Variants in BCKDHB observed in about 807,000 individuals in gnomAD.
BCKDHB encodes branched chain keto acid dehydrogenase E1 subunit beta.
Under a neutral mutation model 48.5 loss-of-function variants are expected in BCKDHB, and 41 were observed. That is an observed-to-expected ratio of 0.85 (90% CI 0.66 to 1.10). The LOEUF (loss-of-function observed/expected upper bound fraction) is 1.10. BCKDHB is among the 50% of genes least tolerant of loss of function. BCKDHB has a pLI of 0.00. For synonymous variants in BCKDHB, 201 were observed against 174.8 expected (o/e 1.15, Z -1.18); for missense variants, 496 against 494.2 (o/e 1.00, Z -0.03).
chr6:80,183,073 A>G (rs1048800746), intron 6 of BCKDHB, among the ~76,000 whole-genome samples: 15 of 152,130 alleles, frequency 9.9e-5, no homozygotes, highest in African/African-American at 2.9e-4. Flanking sequence ...GCTTGTATAT[A>G]TATGTGTATG....
At chr6:80,307,682 T>C (rs1767947207) in intron 9 of BCKDHB, 10 of 973,228 alleles carry the variant, frequency 1.0e-5, no homozygotes, top group Non-Finnish European at 1.2e-5. Flanking sequence ...ACATTAGGCC[T>C]ATTTTAACAC....
chr6:80,451,000 A>G, the BCKDHB span, among the ~76,000 whole-genome samples: 12 of 152,200 alleles, frequency 7.9e-5, no homozygotes, highest in Non-Finnish European at 1.8e-4. Context: ...GAAGTCAACT[A>G]AAGACGTCAT....
chr6:80,140,751 TG>T (rs1771159410), intron 3 of BCKDHB, among the ~76,000 whole-genome samples: 1 of 152,218 alleles, frequency 6.6e-6, no homozygotes, highest in Non-Finnish European at 1.5e-5. Context: ...TCAAGGATAT[TG>T]GTCTAAAATT....
intron 8 of BCKDHB, among the ~76,000 whole-genome samples, chr6:80,230,536 T>C (rs1362035647): frequency 6.6e-6 from 1 of 152,116 alleles, no homozygotes; most frequent in Non-Finnish European, 1.5e-5. Flanking sequence ...AAGAGCCAGA[T>C]AGTAAATATT....
the BCKDHB span, among the ~76,000 whole-genome samples, chr6:80,450,728 C>T: frequency 7.2e-5 from 11 of 152,172 alleles, no homozygotes; most frequent in South Asian, 2.1e-4. Context: ...CTTTTAGGAA[C>T]GGTGTTTAAT....
chr6:80,281,160 T>C (rs1054784923), intron 9 of BCKDHB, among the ~76,000 whole-genome samples: 6 of 152,088 alleles, frequency 3.9e-5, no homozygotes, highest in Non-Finnish European at 5.9e-5. Context: ...TTCATTCTCT[T>C]ATACTGATAT....
chr6:80,119,220 G>A (rs1057047410), intron 1 of BCKDHB, among the ~76,000 whole-genome samples: 5 of 151,912 alleles, frequency 3.3e-5, no homozygotes, highest in Non-Finnish European at 7.4e-5. Flanking sequence ...GGAGGTGGAG[G>A]TTGCAAAAAA....
chr6:80,354,938 A>T, the BCKDHB span, among the ~76,000 whole-genome samples: 1 of 152,168 alleles, frequency 6.6e-6, no homozygotes, highest in African/African-American at 2.4e-5. Flanking sequence ...AAGCAATGTG[A>T]TGCCTCCAGC....
At chr6:80,354,829 G>A in the BCKDHB span, among the ~76,000 whole-genome samples, 1 of 152,076 alleles carries the variant, frequency 6.6e-6, no homozygotes, top group Non-Finnish European at 1.5e-5. Flanking sequence ...GTGATCTTAT[G>A]TCTGTGTTAT....
chr6:80,328,491 A>T lies in BCKDHB; in HGVS notation c.1039-15173A>T, dbSNP rs1018025858. 1.1e-4 allele frequency among the ~76,000 whole-genome samples: 17 copies of T among 152,312 alleles called. No individual in the cohort carries two copies. In the East Asian group the frequency reaches 3.1e-3, roughly 28 times the overall value. On this transcript the variant is annotated intron_variant, in intron 9 of 9. Transcript: ENST00000320393. ...CATTCTTTAGTTTTTCCCAAAGGGA[A>T]CATTTTTCACAACATAAAAAGTTAG... is the stretch of plus-strand genomic sequence containing the variant.
intron 8 of BCKDHB, among the ~76,000 whole-genome samples, chr6:80,233,186 A>C (rs631367): frequency 6.6e-6 from 1 of 152,016 alleles, no homozygotes; most frequent in East Asian, 1.9e-4. Context: ...TATCTCATTA[A>C]CATAGTAAGC....
At chr6:80,353,464 C>T in the BCKDHB span, among the ~76,000 whole-genome samples, 1 of 151,940 alleles carries the variant, frequency 6.6e-6, no homozygotes, top group Non-Finnish European at 1.5e-5. Context: ...CCATGTTTTC[C>T]TTAGAGACTG....
chr6:80,142,364 C>T (rs1771264228), intron 3 of BCKDHB, among the ~76,000 whole-genome samples: 1 of 151,986 alleles, frequency 6.6e-6, no homozygotes, highest in African/African-American at 2.4e-5. Flanking sequence ...TATTATTGCT[C>T]AGGTTGAATG....
the BCKDHB span, among the ~76,000 whole-genome samples, chr6:80,423,976 G>A: frequency 6.6e-6 from 1 of 152,152 alleles, no homozygotes; most frequent in African/African-American, 2.4e-5. Context: ...TGTCCCAGTT[G>A]CTATCAGTTC....
At chr6:80,205,698 A>G (rs1774613796) in intron 8 of BCKDHB, among the ~76,000 whole-genome samples, 1 of 152,040 alleles carries the variant, frequency 6.6e-6, no homozygotes. Context: ...TGAACTTGAT[A>G]TTAAAAAGCT....
rs1257474893 is a variant in BCKDHB at position 80,107,512 on chromosome 6, CGCATAT to C, written c.196+624_196+629del. ...GCGCATATATATGCATATATATGTG[CGCATAT>C]ATATATATATGCATATATATATATG... On this transcript the variant is annotated intron_variant, in intron 1 of 9. Coordinates refer to ENST00000320393, the MANE Select transcript of BCKDHB (RefSeq NM_183050.4). Among the ~76,000 whole-genome samples the C allele has an allele frequency of 3.8e-4, 11 of 28,796 alleles. No individual in the cohort carries two copies. The Admixed American group carries it at 4.2e-3, about 11-fold the overall frequency. The allele number at this position is 28,796 out of a possible 152,430, so 18.9% of individuals were successfully genotyped here.
the BCKDHB span, among the ~76,000 whole-genome samples, chr6:80,371,350 TG>T: frequency 1.3e-5 from 2 of 152,094 alleles, no homozygotes; most frequent in Non-Finnish European, 1.5e-5. Context: ...TTTTTCTTGC[TG>T]ATTTGTTTGA....
the BCKDHB span, among the ~76,000 whole-genome samples, chr6:80,388,468 T>A: frequency 6.6e-6 from 1 of 152,198 alleles, no homozygotes; most frequent in South Asian, 2.1e-4. Flanking sequence ...CATTTGACTA[T>A]GGGTCATCAA....
chr6:80,463,586 A>G, the BCKDHB span, among the ~76,000 whole-genome samples: 1 of 152,038 alleles, frequency 6.6e-6, no homozygotes, highest in Admixed American at 6.6e-5. Context: ...GATTTTCAAT[A>G]TACTTTTTTT....
Sources: allele counts gnomAD v4.1 joint callset (sites outside exome capture counted in the v4.1 genomes callset), GRCh38; gene constraint gnomAD v4.1.1; transcripts MANE v1.5; gene names NCBI Gene and HGNC (gene_info 2026-07-23, HGNC 2026-07-21).